L3MBTL4: variants seen among roughly 807,000 people sequenced by gnomAD.
L3MBTL4 encodes the protein lethal(3)malignant brain tumor-like protein 4.
L3MBTL4 carries 70 observed loss-of-function variants against 84.5 expected under a neutral mutation model. The observed-to-expected ratio is 0.83, with a 90% CI of 0.68 to 1.01. The LOEUF is 1.01. Among genes scored for constraint, L3MBTL4 ranks in the 50% least tolerant of loss-of-function variants. The probability of loss-of-function intolerance (pLI) is 0.00; values close to 1 mark genes in which losing one functional copy is unlikely to be tolerated. For missense variants in L3MBTL4, 715 were observed against 754.8 expected (o/e 0.95, Z 0.62); for synonymous variants, 274 against 259.8 (o/e 1.05, Z -0.52).
At chr18:6,342,281 T>C (rs376028466) in intron 1 of L3MBTL4, among the ~76,000 whole-genome samples, 1 of 152,136 alleles carries the variant, frequency 6.6e-6, no homozygotes, top group African/African-American at 2.4e-5. Flanking sequence ...TACTCTACTA[T>C]AAAAGTTAAA....
intron 1 of L3MBTL4, among the ~76,000 whole-genome samples, chr18:6,390,767 A>T (rs1277313551): frequency 6.6e-6 from 1 of 152,204 alleles, no homozygotes; most frequent in African/African-American, 2.4e-5. Context: ...ACCTTCCTAG[A>T]TTAAATCAGG....
intron 16 of L3MBTL4, among the ~76,000 whole-genome samples, chr18:6,016,416 G>T (rs73376040): frequency 0.07 from 10,718 of 152,246 alleles, 509 homozygotes; most frequent in East Asian, 0.12. Context: ...GCAATCTGCA[G>T]GTAAGGGGCA....
chr18:6,335,822 G>A (rs1250088184), intron 1 of L3MBTL4, among the ~76,000 whole-genome samples: 1 of 152,140 alleles, frequency 6.6e-6, no homozygotes, highest in East Asian at 1.9e-4. Flanking sequence ...CCTTCCACAA[G>A]GATTTTAAGT....
chr18:6,100,371 T>C (rs1183277499), intron 14 of L3MBTL4, among the ~76,000 whole-genome samples: 1 of 152,236 alleles, frequency 6.6e-6, no homozygotes, highest in Non-Finnish European at 1.5e-5. Flanking sequence ...ATTTTCCATT[T>C]CTTTGGTAAG....
intron 13 of L3MBTL4, among the ~76,000 whole-genome samples, chr18:6,160,741 A>C (rs1400767116): frequency 6.6e-6 from 1 of 151,828 alleles, no homozygotes; most frequent in African/African-American, 2.4e-5. Flanking sequence ...CAAAAAAAAA[A>C]AAAAAAAAAG....
intron 1 of L3MBTL4, among the ~76,000 whole-genome samples, chr18:6,379,135 T>C (rs1568577747): frequency 6.6e-6 from 1 of 152,194 alleles, no homozygotes; most frequent in Non-Finnish European, 1.5e-5. Flanking sequence ...TATTGTTGTA[T>C]AGGAATGCTT....
At chr18:6,327,396 G>C (rs373401745) in intron 1 of L3MBTL4, among the ~76,000 whole-genome samples, 2 of 152,138 alleles carry the variant, frequency 1.3e-5, no homozygotes, top group East Asian at 3.8e-4. Context: ...TAAATAAATT[G>C]TGATATATTC....
chr18:6,146,435 A>G (rs2042654748), intron 13 of L3MBTL4, among the ~76,000 whole-genome samples: 1 of 152,184 alleles, frequency 6.6e-6, no homozygotes, highest in Non-Finnish European at 1.5e-5. Flanking sequence ...CGAGGAACTC[A>G]GCGAGTAGAG....
chr18:6,200,892 A>G (rs116855280), intron 12 of L3MBTL4, among the ~76,000 whole-genome samples: 2,623 of 152,310 alleles, frequency 0.017, 33 homozygotes, highest in Non-Finnish European at 0.025. Context: ...GCTAGTGCAC[A>G]TTTGTTTTGC....
At chr18:6,253,095 G>T (rs572608311) in intron 5 of L3MBTL4, among the ~76,000 whole-genome samples, 1 of 152,256 alleles carries the variant, frequency 6.6e-6, no homozygotes, top group African/African-American at 2.4e-5. Flanking sequence ...CCAGCTACTC[G>T]GGAGGCTGAG....
chr18:6,239,340 CAA>C (rs751491795), intron 9 of L3MBTL4, among the ~76,000 whole-genome samples: 4,439 of 49,978 alleles, frequency 0.089, 108 homozygotes, highest in African/African-American at 0.23. Flanking sequence ...GACTCCGTCT[CAA>C]AAAAAAAAAA....
At chr18:6,328,427 T>C (rs1390916936) in intron 1 of L3MBTL4, among the ~76,000 whole-genome samples, 1 of 152,170 alleles carries the variant, frequency 6.6e-6, no homozygotes, top group African/African-American at 2.4e-5. Flanking sequence ...CAAATGCCTC[T>C]CTGAAGCCTT....
chr18:6,102,690 C>G (rs1207001738), intron 14 of L3MBTL4, among the ~76,000 whole-genome samples: 1 of 152,198 alleles, frequency 6.6e-6, no homozygotes, highest in Non-Finnish European at 1.5e-5. Context: ...AAGATGAACT[C>G]TGCAGCTGGT....
chr18:6,223,068 G>T (rs1211307456), intron 10 of L3MBTL4, among the ~76,000 whole-genome samples: 1 of 151,750 alleles, frequency 6.6e-6, no homozygotes, highest in Non-Finnish European at 1.5e-5. Flanking sequence ...ATGTGTTCAT[G>T]AAACATCTAG....
chr18:6,167,340 A>T lies in L3MBTL4; in HGVS notation c.1096+4488T>A, dbSNP rs184718633. Among the ~76,000 whole-genome samples the T allele has an allele frequency of 3.7e-3, 570 of 152,348 alleles. 2 individuals carry two copies. Among genetic ancestry groups the T allele is most frequent in the African/African-American group, 0.013 (536 of 41,566 alleles). On this transcript the variant is annotated intron_variant, in intron 13 of 18. Coordinates refer to ENST00000317931, the MANE Select transcript of L3MBTL4 (RefSeq NM_001330559.2). Reference sequence around the variant, plus strand: ...TAACTCATTTTATGAGGCCAGCATCATCCTGATACCAAAGCCTGGCAGAGA... The same window carrying T: ...TAACTCATTTTATGAGGCCAGCATCTTCCTGATACCAAAGCCTGGCAGAGA...
chr18:6,370,822 A>G (rs1321914802), intron 1 of L3MBTL4, among the ~76,000 whole-genome samples: 3 of 152,176 alleles, frequency 2.0e-5, no homozygotes, highest in Non-Finnish European at 4.4e-5. Context: ...AAATTTAAAA[A>G]AATTAAAAAT....
intron 5 of L3MBTL4, among the ~76,000 whole-genome samples, chr18:6,255,712 C>T (rs1227893371): frequency 6.6e-6 from 1 of 151,074 alleles, no homozygotes; most frequent in Non-Finnish European, 1.5e-5. Flanking sequence ...TTTTTTCCCC[C>T]TGGGAGTACT....
chr18:6,371,923 T>C (rs756479702), intron 1 of L3MBTL4, among the ~76,000 whole-genome samples: 2 of 152,212 alleles, frequency 1.3e-5, no homozygotes, highest in Non-Finnish European at 2.9e-5. Context: ...AATGTCTACC[T>C]TGACGCAATG....
intron 1 of L3MBTL4, among the ~76,000 whole-genome samples, chr18:6,327,842 G>A (rs1179760659): frequency 6.6e-6 from 1 of 152,172 alleles, no homozygotes; most frequent in Non-Finnish European, 1.5e-5. Context: ...GGTTATAGGA[G>A]GAATTTTATA....
Sources: gnomAD v4.1 joint callset for allele counts (sites outside exome capture counted in the v4.1 genomes callset) on GRCh38, gnomAD v4.1.1 for gene constraint, MANE v1.5 for transcripts, NCBI Gene and HGNC (gene_info 2026-07-23, HGNC 2026-07-21) for gene names.